Variants in TEX36 observed in about 807,000 individuals in gnomAD.
TEX36 encodes testis expressed 36.
TEX36 carries 12 observed loss-of-function variants against 13.6 expected under a neutral mutation model. The observed-to-expected ratio is 0.88, with a 90% confidence interval of 0.56 to 1.43. The LOEUF is 1.43. Among genes scored for constraint, TEX36 ranks in the 40% most tolerant of loss-of-function variants. TEX36 has a pLI of 0.00. For synonymous variants in TEX36, 93 were observed against 83.0 expected (o/e 1.12, Z -0.65); for missense variants, 224 against 228.3 (o/e 0.98, Z 0.12).
At chr10:125,590,522 G>A (rs1312153713) in intron 3 of TEX36, among the ~76,000 whole-genome samples, 1 of 152,086 alleles carries the variant, frequency 6.6e-6, no homozygotes, top group African/African-American at 2.4e-5. Context: ...AAAGCCTTTA[G>A]CACAACATTA....
downstream of TEX36, among the ~76,000 whole-genome samples, chr10:125,619,001 G>T (rs1029890401): frequency 6.0e-5 from 9 of 149,746 alleles, no homozygotes; most frequent in South Asian, 1.1e-3. Context: ...GTGGTGTCGG[G>T]TGCCTGTAGT....
intron 3 of TEX36, among the ~76,000 whole-genome samples, chr10:125,648,077 C>T (rs1846799949): frequency 6.6e-6 from 1 of 152,234 alleles, no homozygotes; most frequent in Admixed American, 6.5e-5. Flanking sequence ...CCTCTGGGGG[C>T]AGGGCATAGC....
intron 3 of TEX36, among the ~76,000 whole-genome samples, chr10:125,609,392 T>A (rs1287918863): frequency 1.3e-5 from 2 of 152,178 alleles, no homozygotes. Context: ...GTTCCTCTTT[T>A]TCTTGGGCAC....
downstream of TEX36, among the ~76,000 whole-genome samples, chr10:125,617,748 T>A (rs1846377033): frequency 6.6e-6 from 1 of 152,218 alleles, no homozygotes; most frequent in African/African-American, 2.4e-5. Flanking sequence ...CTTTGGTGAA[T>A]CTGACAATTA....
chr10:125,611,121 T>C (rs907532807), intron 3 of TEX36, among the ~76,000 whole-genome samples: 2 of 152,238 alleles, frequency 1.3e-5, no homozygotes, highest in East Asian at 3.8e-4. Context: ...TATTCTGCCA[T>C]ACTTTATTTT....
At chr10:125,589,920 G>A (rs956793866) in intron 3 of TEX36, among the ~76,000 whole-genome samples, 14 of 152,228 alleles carry the variant, frequency 9.2e-5, no homozygotes, top group Admixed American at 5.9e-4. Flanking sequence ...ATCACAATTG[G>A]TTAGATTGTT....
At chr10:125,621,584 T>G (rs1846430041), downstream of TEX36, 1 of 455,872 alleles carries the variant, frequency 2.2e-6, no homozygotes, top group Non-Finnish European at 4.4e-6. Context: ...AAAATGGAGT[T>G]TTTTAGGGAG....
chr10:125,670,800 A>G (rs1426907306), intron 1 of TEX36, among the ~76,000 whole-genome samples: 2 of 152,084 alleles, frequency 1.3e-5, no homozygotes, highest in Non-Finnish European at 2.9e-5. Context: ...AATTTTCTGC[A>G]TATTACTAGC....
In TEX36 at chr10:125,661,944, C is replaced by T. The variant is rs533012924; in HGVS notation, c.85G>A (p.Glu29Lys). 1.3e-6 allele frequency: 2 copies of T among 1,552,370 alleles called. No individual in the cohort carries two copies. The highest frequency in any genetic ancestry group is 2.4e-5 in the East Asian group (1 of 40,920). Residue 29 changes from glutamate (E) to lysine (K), a missense_variant, in exon 2 of 4, where the codon GAA becomes AAA. By Grantham distance (56) the Glu-to-Lys change is moderately conservative. Coordinates refer to ENST00000368821, the MANE Select transcript of TEX36 (RefSeq NM_001128202.3). ...PHIGLTQKTP[E>K]SITSATSKEP... ...TTTGACGTAGCACTGGTGATGGATT[C>T]TGGTGTCTTTTGCGTTAGCCCGATG...
chr10:125,594,919 A>G (rs931953019), intron 3 of TEX36, among the ~76,000 whole-genome samples: 1 of 152,238 alleles, frequency 6.6e-6, no homozygotes, highest in Admixed American at 6.5e-5. Context: ...AAACTTAAAT[A>G]GACAAACATC....
intron 3 of TEX36, among the ~76,000 whole-genome samples, chr10:125,640,538 A>T (rs895587574): frequency 2.0e-5 from 3 of 152,204 alleles, no homozygotes; most frequent in African/African-American, 7.2e-5. Flanking sequence ...TTACTTAAAT[A>T]CCGCGTGTTA....
At chr10:125,674,915 T>A (rs775205272) in intron 1 of TEX36, among the ~76,000 whole-genome samples, 1 of 152,254 alleles carries the variant, frequency 6.6e-6, no homozygotes, top group Non-Finnish European at 1.5e-5. Flanking sequence ...AGGGCCCTGC[T>A]TAACGAAGCA....
intron 3 of TEX36, among the ~76,000 whole-genome samples, chr10:125,624,727 G>A (rs1846466546): frequency 6.6e-6 from 1 of 151,844 alleles, no homozygotes; most frequent in African/African-American, 2.4e-5. Context: ...GAAACTGTAT[G>A]AATTTTAAAG....
At chr10:125,649,599 A>G (rs1846821942) in intron 3 of TEX36, among the ~76,000 whole-genome samples, 1 of 152,174 alleles carries the variant, frequency 6.6e-6, no homozygotes, top group African/African-American at 2.4e-5. Flanking sequence ...TCAACTAATG[A>G]GCAAACATCA....
chr10:125,615,644 T>A (rs1423073382), intron 3 of TEX36, among the ~76,000 whole-genome samples: 2 of 150,632 alleles, frequency 1.3e-5, no homozygotes, highest in Non-Finnish European at 1.5e-5. Flanking sequence ...CACTTGATCA[T>A]GGTGGATAAG....
chr10:125,576,553 A>C, exon 4 of TEX36: 1 of 702,058 alleles, frequency 1.4e-6, no homozygotes, highest in Non-Finnish European at 2.3e-6. Flanking sequence ...CCCTATTAAT[A>C]CCTGCGCCCA....
chr10:125,592,650 T>A (rs552172841), intron 3 of TEX36, among the ~76,000 whole-genome samples: 17 of 152,184 alleles, frequency 1.1e-4, no homozygotes, highest in African/African-American at 3.6e-4. Flanking sequence ...ATCAGATCCC[T>A]CAGGGCAAGG....
chr10:125,631,498 G>A (rs944745982), intron 3 of TEX36, among the ~76,000 whole-genome samples: 2 of 152,200 alleles, frequency 1.3e-5, no homozygotes, highest in African/African-American at 4.8e-5. Context: ...TTCTCTTAGA[G>A]GCAGGAATGA....
chr10:125,652,832 T>G (rs1368463936), downstream of TEX36, among the ~76,000 whole-genome samples: 1 of 152,176 alleles, frequency 6.6e-6, no homozygotes, highest in Non-Finnish European at 1.5e-5. Flanking sequence ...GCAAAGGATG[T>G]GAACAGACAC....
Sources: allele counts gnomAD v4.1 joint callset (sites outside exome capture counted in the v4.1 genomes callset), GRCh38; gene constraint gnomAD v4.1.1; transcripts MANE v1.5; gene names NCBI Gene and HGNC (gene_info 2026-07-23, HGNC 2026-07-21).